LMBR1: variants seen among roughly 807,000 people sequenced by gnomAD.
The protein encoded by LMBR1 is limb region 1 protein homolog.
Under a neutral mutation model 73.9 loss-of-function variants are expected in LMBR1, and 52 were observed. That is an observed-to-expected ratio of 0.70 (90% CI 0.56 to 0.89). The LOEUF (loss-of-function observed/expected upper bound fraction) is 0.89. LMBR1 is among the 40% of genes least tolerant of loss of function. LMBR1 has a pLI of 0.00. For synonymous variants in LMBR1, 215 were observed against 209.4 expected, an observed-to-expected ratio of 1.03 and a Z score of -0.23; for missense variants, 539 against 579.8, an observed-to-expected ratio of 0.93 and a Z score of 0.72.
chr7:156,772,817 C>A (rs561365368), intron 5 of LMBR1, among the ~76,000 whole-genome samples: 1 of 146,950 alleles, frequency 6.8e-6, no homozygotes, highest in Non-Finnish European at 1.5e-5. Context: ...CACTGCACTT[C>A]GGCCTGGACG....
At chr7:156,755,671 T>C (rs909449888) in intron 9 of LMBR1, among the ~76,000 whole-genome samples, 1 of 152,238 alleles carries the variant, frequency 6.6e-6, no homozygotes, top group Non-Finnish European at 1.5e-5. Context: ...TTAAGTAAGT[T>C]AGAAGAATAA....
intron 5 of LMBR1, among the ~76,000 whole-genome samples, chr7:156,765,405 G>A (rs1165564210): frequency 6.6e-6 from 1 of 152,138 alleles, no homozygotes; most frequent in African/African-American, 2.4e-5. Context: ...GTGAAGAGGT[G>A]CCTTCTGCCA....
At chr7:156,860,968 G>A (rs1275127591) in intron 1 of LMBR1, among the ~76,000 whole-genome samples, 1 of 152,218 alleles carries the variant, frequency 6.6e-6, no homozygotes, top group South Asian at 2.1e-4. Context: ...AGCTTTTTCA[G>A]GCGCATGGTG....
At chr7:156,845,361 TAATTAA>T (rs1839419320) in intron 1 of LMBR1, among the ~76,000 whole-genome samples, 1 of 151,888 alleles carries the variant, frequency 6.6e-6, no homozygotes, top group Non-Finnish European at 1.5e-5. Context: ...CCCACTAAAA[TAATTAA>T]AATTAAAAAT....
rs888137856 is a variant in LMBR1 at position 156,669,544 on chromosome 7, A to C, written n.867-257T>G. Among the ~76,000 whole-genome samples the C allele has an allele frequency of 2.6e-5, 4 of 152,132 alleles. No homozygotes were observed. Among genetic ancestry groups the C allele is most frequent in the Non-Finnish European group, 5.9e-5 (4 of 68,004 alleles). ...GCTGGCAGAGTGTGAGCCGCTGGGC[A>C]CAGGTGACCCTTCCAGGACCCAGAC... On this transcript the variant is annotated intron_variant and non_coding_transcript_variant, in intron 4 of 4. Transcript: ENST00000430825. This position sits in a 1 kb window ranked among gnomAD's most constrained non-coding sequence, Gnocchi z 4.2.
At chr7:156,756,029 T>C (rs940278384) in intron 9 of LMBR1, among the ~76,000 whole-genome samples, 1 of 152,216 alleles carries the variant, frequency 6.6e-6, no homozygotes, top group Non-Finnish European at 1.5e-5. Flanking sequence ...AATTTACCTA[T>C]ACTATCTGTT....
In LMBR1 at chr7:156,793,355, A is replaced by G. The variant is rs1047969909; in HGVS notation, c.423+3034T>C. On this transcript the variant is annotated intron_variant, in intron 5 of 16. Coordinates refer to ENST00000353442, the MANE Select transcript of LMBR1 (RefSeq NM_022458.4). Reference sequence around the variant, plus strand: ...TAGTAACCTTTCCAACTTTCATGTGACTGATTTTAAAACCGAAAAATATGA... The same window carrying G: ...TAGTAACCTTTCCAACTTTCATGTGGCTGATTTTAAAACCGAAAAATATGA... Among the ~76,000 whole-genome samples, 10 of 152,322 alleles carry G rather than the reference A, an allele frequency of 6.6e-5. No individual in the cohort carries two copies. In the East Asian group the frequency reaches 1.9e-3, roughly 29 times the overall value.
At chr7:156,833,917 AG>A in intron 2 of LMBR1, 125 bp from the exon 3 acceptor site, 1 of 630,892 alleles carries the variant, frequency 1.6e-6, no homozygotes, top group South Asian at 2.3e-5. Context: ...ATTTTCAAAA[AG>A]CACTGTATTT....
chr7:156,877,922 C>A (rs1254516488), intron 1 of LMBR1, among the ~76,000 whole-genome samples: 1 of 150,678 alleles, frequency 6.6e-6, no homozygotes, highest in Non-Finnish European at 1.5e-5. Flanking sequence ...AAATGTGATA[C>A]ACCACACGAA....
chr7:156,760,319 T>C (rs1229922765), intron 8 of LMBR1, among the ~76,000 whole-genome samples: 1 of 152,196 alleles, frequency 6.6e-6, no homozygotes, highest in Non-Finnish European at 1.5e-5. Context: ...GCTAAGTAAG[T>C]AGTTTCGTTT....
chr7:156,725,355 C>A, intron 14 of LMBR1, 80 bp downstream of exon 14: 1 of 789,514 alleles, frequency 1.3e-6, no homozygotes, highest in South Asian at 1.9e-5. Context: ...GCAAATGAAC[C>A]ATTCAGAATG....
chr7:156,833,682 A>C, intron 3 of LMBR1, 71 bp downstream of exon 3: 1 of 1,150,594 alleles, frequency 8.7e-7, no homozygotes, highest in South Asian at 1.3e-5. Context: ...CTATCCAAAA[A>C]TTAGAATTGG....
At chr7:156,726,824 C>CA in intron 12 of LMBR1, among the ~76,000 whole-genome samples, 1 of 152,184 alleles carries the variant, frequency 6.6e-6, no homozygotes, top group East Asian at 1.9e-4. Flanking sequence ...GGGTGCCCCC[C>CA]GCAACCCACC....
intron 1 of LMBR1, among the ~76,000 whole-genome samples, chr7:156,872,882 C>A (rs1045644158): frequency 2.0e-4 from 31 of 152,182 alleles, no homozygotes; most frequent in African/African-American, 6.8e-4. Flanking sequence ...CCGAAAGACG[C>A]TCTGAAAGAA....
intron 5 of LMBR1, among the ~76,000 whole-genome samples, chr7:156,764,178 G>A (rs564378515): frequency 1.3e-5 from 2 of 152,112 alleles, no homozygotes; most frequent in African/African-American, 2.4e-5. Context: ...AACTTGGTGC[G>A]CCACAATGCT....
chr7:156,718,348 C>T (rs769966902), intron 15 of LMBR1, among the ~76,000 whole-genome samples: 3 of 150,124 alleles, frequency 2.0e-5, no homozygotes, highest in Non-Finnish European at 3.0e-5. Flanking sequence ...TACAGTGAGC[C>T]GAGATTGTGC....
rs771550729 is a variant in LMBR1 at position 156,762,842 on chromosome 7, T to TGTGA, written c.619+262_619+265dup. Among the ~76,000 whole-genome samples, 22 of 102,360 alleles carry TGTGA rather than the reference T, an allele frequency of 2.1e-4. 1 individual carries two copies. Among genetic ancestry groups the TGTGA allele is most frequent in the Middle Eastern group, 9.3e-3 (2 of 216 alleles). The allele number at this position is 102,360 out of a possible 152,430, so 67.2% of individuals were successfully genotyped here. On this transcript the variant is annotated intron_variant, in intron 7 of 16. Coordinates refer to ENST00000353442, the MANE Select transcript of LMBR1 (RefSeq NM_022458.4). ...ATATGAGTGTGTGAAAGTGTGTGAG[T>TGTGA]GTGAGTGTGTGTGTGTGTGTGTGTG...
In LMBR1 at chr7:156,736,131, A is replaced by G. The variant is rs1817820248; in HGVS notation, c.758-1874T>C. 2.6e-5 allele frequency among the ~76,000 whole-genome samples: 4 copies of G among 152,356 alleles called. No homozygotes were observed. In the East Asian group the frequency reaches 7.7e-4, roughly 29 times the overall value. On this transcript the variant is annotated intron_variant, in intron 9 of 16. Coordinates refer to ENST00000353442, the MANE Select transcript of LMBR1 (RefSeq NM_022458.4). ...TCTAGGAAGCAGACGTCCTAATGGCATAGCTTAGAGTCACATGTCAGTTTC... is the reference window on the plus strand; with the variant it reads ...TCTAGGAAGCAGACGTCCTAATGGCGTAGCTTAGAGTCACATGTCAGTTTC...
chr7:156,829,824 C>G (rs1019351769), intron 3 of LMBR1, among the ~76,000 whole-genome samples: 4 of 152,156 alleles, frequency 2.6e-5, no homozygotes, highest in East Asian at 1.9e-4. Flanking sequence ...TCATCTGTGC[C>G]GATCTCTACC....
Sources: gnomAD v4.1 joint callset for allele counts (sites outside exome capture counted in the v4.1 genomes callset) on GRCh38, gnomAD v4.1.1 for gene constraint, Gnocchi (gnomAD v3.1) non-coding constraint, MANE v1.5 for transcripts, NCBI Gene and HGNC (gene_info 2026-07-23, HGNC 2026-07-21) for gene names.